EPS8: variants seen among roughly 807,000 people sequenced by gnomAD.
EPS8 encodes epidermal growth factor receptor kinase substrate 8.
In EPS8, 42 loss-of-function variants were observed where a neutral mutation model predicts 103.8. The observed-to-expected ratio is 0.40, with a 90% CI of 0.32 to 0.52. The LOEUF (loss-of-function observed/expected upper bound fraction) is 0.52, where lower values mean the gene tolerates loss of function less well. Ranked by LOEUF, EPS8 falls within the 20% of genes least tolerant of loss-of-function variation. The pLI is 0.40. For synonymous variants in EPS8, 344 were observed against 344.6 expected (o/e 1.00, Z 0.02); for missense variants, 969 against 1,005.1 (o/e 0.96, Z 0.49).
rs1356477023 is a variant in EPS8, at chr12:15,624,220, G to C, written c.2225+7C>G. On this transcript the variant is annotated splice_region_variant and intron_variant, in intron 19 of 20. Transcript: ENST00000281172. ...CAGAATTGCAAAGTATTCACAGAGA[G>C]ACTCACACAGGGTTGAATCCCTTTG... 1 of 1,610,874 alleles carries C rather than the reference G, an allele frequency of 6.2e-7. No individual in the cohort carries two copies. Among genetic ancestry groups the C allele is most frequent in the East Asian group, 2.2e-5 (1 of 44,858 alleles).
In EPS8 at chr12:15,752,199, G is replaced by A. The variant is rs930942352; in HGVS notation, c.-22+36962C>T. On this transcript the variant is annotated intron_variant, in intron 1 of 20. Coordinates refer to ENST00000281172, the MANE Select transcript of EPS8 (RefSeq NM_004447.6). The surrounding 1 kb of genome is among the most constrained non-coding windows in gnomAD (Gnocchi z 4.4). The stretch of plus-strand genomic sequence containing the variant: ...GTGGTGGCTCACGCCTGTAATCCCA[G>A]CACTTTGGGAGGCCGAGGCAGGCGG... Among the ~76,000 whole-genome samples, 1 of 152,146 alleles carries A rather than the reference G, an allele frequency of 6.6e-6. No individual in the cohort carries two copies. Among genetic ancestry groups the A allele is most frequent in the African/African-American group, 2.4e-5 (1 of 41,420 alleles).
rs1484879286 is a variant in EPS8 at position 15,717,655 on chromosome 12, A to G, written c.-21-34683T>C. Among the ~76,000 whole-genome samples the G allele has an allele frequency of 6.6e-6, 1 of 152,224 alleles. No homozygotes were observed. The highest frequency in any genetic ancestry group is 1.5e-5 in the Non-Finnish European group (1 of 68,044). On this transcript the variant is annotated intron_variant, in intron 1 of 20. Coordinates refer to ENST00000281172, the MANE Select transcript of EPS8 (RefSeq NM_004447.6). This position sits in a 1 kb window ranked among gnomAD's most constrained non-coding sequence, Gnocchi z 4.3. ...CTTCTTGGCATGAATAAATATAAAT[A>G]GCAGGACCAATATTATACGTTCTTT... is the stretch of plus-strand genomic sequence containing the variant.
intron 1 of EPS8, among the ~76,000 whole-genome samples, chr12:15,705,728 T>C (rs1471158877): frequency 6.6e-6 from 1 of 152,198 alleles, no homozygotes; most frequent in Non-Finnish European, 1.5e-5. Context: ...TTGACTGCAA[T>C]AGTTAGAATA....
Position 15,780,896 on chromosome 12 carries a change from T to A in EPS8, c.-22+8265A>T, listed in dbSNP as rs1478195940. Among the ~76,000 whole-genome samples the A allele has an allele frequency of 1.3e-5, 2 of 152,218 alleles. No individual in the cohort carries two copies. The highest frequency in any genetic ancestry group is 4.8e-5 in the African/African-American group (2 of 41,466). ...ACTCATGCCCTTTTAAGTATTTATG[T>A]AAAAATATGATAATAAGTGCTAATT... is the stretch of plus-strand genomic sequence containing the variant. On this transcript the variant is annotated intron_variant, in intron 1 of 20. Transcript: ENST00000281172. This position sits in a 1 kb window ranked among gnomAD's most constrained non-coding sequence, Gnocchi z 4.1.
At position 15,784,636 on chromosome 12, in the gene EPS8, A is replaced by T. The variant is rs1163975960; in HGVS notation, c.-22+4525T>A. 6.6e-6 allele frequency among the ~76,000 whole-genome samples: 1 copy of T among 152,178 alleles called. No homozygotes were observed. The highest frequency in any genetic ancestry group is 1.5e-5 in the Non-Finnish European group (1 of 67,992). On this transcript the variant is annotated intron_variant, in intron 1 of 20. Transcript: ENST00000281172. This position sits in a 1 kb window ranked among gnomAD's most constrained non-coding sequence, Gnocchi z 4.0. ...CAGGATCCAGCAATCGCACTTCTAG[A>T]TATTTATCCAACGGATATAAGAACT...
At chr12:15,705,680 T>G (rs1328322836) in intron 1 of EPS8, among the ~76,000 whole-genome samples, 1 of 151,540 alleles carries the variant, frequency 6.6e-6, no homozygotes, top group East Asian at 1.9e-4. Context: ...TGTACCTTCC[T>G]TTTAAAAAGT....
At chr12:15,741,725 CTT>C (rs1056167416) in intron 1 of EPS8, among the ~76,000 whole-genome samples, 1 of 149,512 alleles carries the variant, frequency 6.7e-6, no homozygotes, top group Non-Finnish European at 1.5e-5. Context: ...AACATTAAGT[CTT>C]TTTTTTTTAA....
At chr12:15,663,949 ATATATATAT>A (rs1436435597) in intron 8 of EPS8, among the ~76,000 whole-genome samples, 2 of 8,112 alleles carry the variant, frequency 2.5e-4, no homozygotes, top group African/African-American at 5.3e-4. Context: ...AAAAAAAATA[ATATATATAT>A]ATATATATAT....
intron 1 of EPS8, among the ~76,000 whole-genome samples, chr12:15,729,108 C>T (rs756857327): frequency 3.3e-5 from 5 of 152,092 alleles, no homozygotes; most frequent in African/African-American, 9.7e-5. Context: ...AAGAGATGTC[C>T]GATGTAATTC....
At chr12:15,624,870 T>C (rs1381440658) in intron 18 of EPS8, among the ~76,000 whole-genome samples, 1 of 152,050 alleles carries the variant, frequency 6.6e-6, no homozygotes, top group Non-Finnish European at 1.5e-5. Context: ...TCGTCACAAT[T>C]GAGGGAGAAA....
intron 8 of EPS8, chr12:15,662,410 A>C (rs779617441): frequency 4.7e-6 from 5 of 1,064,572 alleles, no homozygotes; most frequent in Non-Finnish European, 5.7e-6. Context: ...AGCACCCTTT[A>C]ATTCCTACAC....
In EPS8 at chr12:15,684,629, A is replaced by G. The variant is rs1946065194; in HGVS notation, c.-21-1657T>C. Among the ~76,000 whole-genome samples the G allele has an allele frequency of 6.6e-6, 1 of 152,062 alleles. No homozygotes were observed. Among genetic ancestry groups the G allele is most frequent in the South Asian group, 2.1e-4 (1 of 4,834 alleles). On this transcript the variant is annotated intron_variant, in intron 1 of 20. Coordinates refer to ENST00000281172, the MANE Select transcript of EPS8 (RefSeq NM_004447.6). The surrounding 1 kb of genome is among the most constrained non-coding windows in gnomAD (Gnocchi z 4.9). ...ACAAATAGTAAGGAATTAAGTCCCA[A>G]CATATGTAGCTCTATTTTAAATCTG...
chr12:15,655,970 A>G (rs1375092142), intron 12 of EPS8, among the ~76,000 whole-genome samples: 2 of 152,208 alleles, frequency 1.3e-5, no homozygotes, highest in African/African-American at 2.4e-5. Context: ...ATGATTGGAG[A>G]GACCATTAAT....
chr12:15,692,858 C>T (rs1946193346), intron 1 of EPS8, among the ~76,000 whole-genome samples: 3 of 151,810 alleles, frequency 2.0e-5, no homozygotes, highest in Admixed American at 6.6e-5. Context: ...CTAAAGCTTC[C>T]TTTTCTTTTA....
rs183484778 is a variant in EPS8 at position 15,772,528 on chromosome 12, C to T, written c.-22+16633G>A. ...AACTTGTGAGTGTTCTGAGAATACA[C>T]AAAACCATGAACTGAGGCACAAAAT... On this transcript the variant is annotated intron_variant, in intron 1 of 20. Coordinates refer to ENST00000281172, the MANE Select transcript of EPS8 (RefSeq NM_004447.6). The surrounding 1 kb of genome is among the most constrained non-coding windows in gnomAD (Gnocchi z 5.0). Among the ~76,000 whole-genome samples the T allele has an allele frequency of 3.3e-5, 5 of 152,206 alleles. No homozygotes were observed. Among genetic ancestry groups the T allele is most frequent in the Non-Finnish European group, 7.4e-5 (5 of 68,010 alleles).
In EPS8 at chr12:15,735,324, T is replaced by A. The variant is rs2135999041; in HGVS notation, c.-21-52352A>T. On this transcript the variant is annotated intron_variant, in intron 1 of 20. Transcript: ENST00000281172. This position sits in a 1 kb window ranked among gnomAD's most constrained non-coding sequence, Gnocchi z 4.4. Reference sequence around the variant, plus strand: ...TAGTTGCTTTTGCTTAAGAAATATATTTCATTCTTCCCTATACTTTTTTGC... The same window carrying A: ...TAGTTGCTTTTGCTTAAGAAATATAATTCATTCTTCCCTATACTTTTTTGC... Among the ~76,000 whole-genome samples, 1 of 152,344 alleles carries A rather than the reference T, an allele frequency of 6.6e-6. No individual in the cohort carries two copies. Among genetic ancestry groups the A allele is most frequent in the African/African-American group, 2.4e-5 (1 of 41,576 alleles).
At chr12:15,649,141 C>A (rs1028392792) in intron 14 of EPS8, among the ~76,000 whole-genome samples, 1 of 152,054 alleles carries the variant, frequency 6.6e-6, no homozygotes, top group Non-Finnish European at 1.5e-5. Flanking sequence ...TAGTTTATAA[C>A]AGGAAAATAA....
intron 12 of EPS8, 28 bp from the exon 13 acceptor site, chr12:15,654,321 G>T: frequency 1.2e-6 from 2 of 1,605,142 alleles, no homozygotes; most frequent in South Asian, 1.1e-5. Context: ...TTTTTAGCAA[G>T]AAGATTACTA....
chr12:15,668,752 C>T (rs1198227424), intron 6 of EPS8, among the ~76,000 whole-genome samples: 1 of 152,152 alleles, frequency 6.6e-6, no homozygotes, highest in East Asian at 1.9e-4. Context: ...CATGCTATGT[C>T]ATTAGTGCAG....
Sources: allele counts gnomAD v4.1 joint callset (sites outside exome capture counted in the v4.1 genomes callset), GRCh38; gene constraint gnomAD v4.1.1; non-coding constraint Gnocchi (gnomAD v3.1); transcripts MANE v1.5; gene names NCBI Gene and HGNC (gene_info 2026-07-23, HGNC 2026-07-21).